CAMKMT: variants seen among roughly 807,000 people sequenced by gnomAD.
The protein encoded by CAMKMT is CaM KMT.
In CAMKMT, 53 loss-of-function variants were observed where a neutral mutation model predicts 48.0. That is an observed-to-expected ratio of 1.10 (90% CI 0.89 to 1.39). CAMKMT has a LOEUF of 1.39. Among genes scored for constraint, CAMKMT ranks in the 40% most tolerant of loss-of-function variants. The pLI is 0.00. For missense variants in CAMKMT, 428 were observed against 402.7 expected, an observed-to-expected ratio of 1.06 and a Z score of -0.54; for synonymous variants, 165 against 152.3, an observed-to-expected ratio of 1.08 and a Z score of -0.61.
intron 3 of CAMKMT, among the ~76,000 whole-genome samples, chr2:44,550,055 C>G (rs1331964066): frequency 6.6e-6 from 1 of 152,110 alleles, no homozygotes; most frequent in African/African-American, 2.4e-5. Flanking sequence ...CACAAAAATA[C>G]CTTGATAAAG....
chr2:44,429,139 C>G (rs892545991), intron 3 of CAMKMT, among the ~76,000 whole-genome samples: 1 of 152,130 alleles, frequency 6.6e-6, no homozygotes, highest in Non-Finnish European at 1.5e-5. Flanking sequence ...ATCTGACCAG[C>G]CTAGACATAC....
chr2:44,537,966 G>A (rs917097043), intron 3 of CAMKMT, among the ~76,000 whole-genome samples: 1 of 152,068 alleles, frequency 6.6e-6, no homozygotes, highest in South Asian at 2.1e-4. Context: ...TCTACCCAAC[G>A]GAAAAGAAAT....
chr2:44,528,052 C>T (rs1008774560), intron 3 of CAMKMT, among the ~76,000 whole-genome samples: 3 of 152,080 alleles, frequency 2.0e-5, no homozygotes, highest in African/African-American at 7.2e-5. Flanking sequence ...TACAGAAATT[C>T]GTCGTGGGAA....
intron 3 of CAMKMT, among the ~76,000 whole-genome samples, chr2:44,691,103 CG>C: frequency 6.6e-6 from 1 of 152,290 alleles, no homozygotes; most frequent in African/African-American, 2.4e-5. Context: ...GATAAGGAAT[CG>C]GGGAAGGAGA....
chr2:44,577,568 A>G (rs1390846350), intron 3 of CAMKMT, among the ~76,000 whole-genome samples: 1 of 151,620 alleles, frequency 6.6e-6, no homozygotes, highest in Non-Finnish European at 1.5e-5. Flanking sequence ...GCAGTGATCT[A>G]TGATCACACC....
At chr2:44,527,252 T>C (rs1385061842) in intron 3 of CAMKMT, among the ~76,000 whole-genome samples, 2 of 145,370 alleles carry the variant, frequency 1.4e-5, no homozygotes, top group East Asian at 2.0e-4. Context: ...AACGCCACCA[T>C]ATCTGGCAAT....
At chr2:44,554,016 C>A (rs1274419928) in intron 3 of CAMKMT, among the ~76,000 whole-genome samples, 1 of 152,074 alleles carries the variant, frequency 6.6e-6, no homozygotes, top group Non-Finnish European at 1.5e-5. Context: ...AGTATGGAGA[C>A]TCTTAGGAGG....
intron 3 of CAMKMT, among the ~76,000 whole-genome samples, chr2:44,673,831 G>A (rs1449743592): frequency 6.6e-6 from 1 of 152,100 alleles, no homozygotes; most frequent in African/African-American, 2.4e-5. Context: ...AAAGAATTTG[G>A]GAAAGATTAA....
chr2:44,716,579 CA>C (rs1678185954), intron 7 of CAMKMT, among the ~76,000 whole-genome samples: 1 of 152,244 alleles, frequency 6.6e-6, no homozygotes, highest in African/African-American at 2.4e-5. Flanking sequence ...TATAAATGAA[CA>C]AACCACTTCT....
chr2:44,528,371 G>A (rs558754530), intron 3 of CAMKMT, among the ~76,000 whole-genome samples: 154 of 152,166 alleles, frequency 1.0e-3, no homozygotes, highest in Non-Finnish European at 9.7e-4. Context: ...CACAAAAATA[G>A]TTATCCATTC....
intron 3 of CAMKMT, among the ~76,000 whole-genome samples, chr2:44,592,505 C>T (rs1670356991): frequency 6.6e-6 from 1 of 152,088 alleles, no homozygotes; most frequent in African/African-American, 2.4e-5. Context: ...GTCCTCAGTG[C>T]TTGGGTTCAA....
At chr2:44,541,939 A>C (rs749222575) in intron 3 of CAMKMT, among the ~76,000 whole-genome samples, 1 of 151,988 alleles carries the variant, frequency 6.6e-6, no homozygotes, top group Admixed American at 6.6e-5. Flanking sequence ...GACCAACTTG[A>C]CCAACATGGA....
chr2:44,720,515 T>G (rs1333131272), intron 7 of CAMKMT, among the ~76,000 whole-genome samples: 1 of 152,202 alleles, frequency 6.6e-6, no homozygotes, highest in African/African-American at 2.4e-5. Context: ...GTTCTTCACT[T>G]AAAAATAGAG....
intron 3 of CAMKMT, among the ~76,000 whole-genome samples, chr2:44,690,484 T>A (rs973050940): frequency 2.6e-5 from 4 of 151,978 alleles, no homozygotes; most frequent in African/African-American, 4.8e-5. Flanking sequence ...AGAGTTAGAG[T>A]ATGTGGGCCT....
At chr2:44,598,377 T>C (rs1670792127) in intron 3 of CAMKMT, among the ~76,000 whole-genome samples, 1 of 152,054 alleles carries the variant, frequency 6.6e-6, no homozygotes, top group Non-Finnish European at 1.5e-5. Flanking sequence ...AAATAGATTA[T>C]GAAGGAATAT....
At chr2:44,638,161 T>C (rs1396428519) in intron 3 of CAMKMT, among the ~76,000 whole-genome samples, 3 of 152,204 alleles carry the variant, frequency 2.0e-5, no homozygotes, top group Non-Finnish European at 4.4e-5. Flanking sequence ...TGAAACTATA[T>C]ATACTTTCTT....
chr2:44,702,521 A>G (rs1558805547), intron 3 of CAMKMT, among the ~76,000 whole-genome samples: 1 of 152,140 alleles, frequency 6.6e-6, no homozygotes, highest in Admixed American at 6.5e-5. Context: ...CTGCAATGAT[A>G]TTTTACAAAT....
intron 3 of CAMKMT, among the ~76,000 whole-genome samples, chr2:44,590,697 A>G (rs1670209038): frequency 6.6e-6 from 1 of 151,980 alleles, no homozygotes; most frequent in Non-Finnish European, 1.5e-5. Flanking sequence ...CTCCCATTTT[A>G]TGGGTTGCCT....
At chr2:44,423,840 T>C (rs978483481) in intron 3 of CAMKMT, among the ~76,000 whole-genome samples, 1 of 152,186 alleles carries the variant, frequency 6.6e-6, no homozygotes, top group Non-Finnish European at 1.5e-5. Context: ...GAGGCCAACA[T>C]TTTTAACTTT....
Sources: gnomAD v4.1 joint callset for allele counts (sites outside exome capture counted in the v4.1 genomes callset) on GRCh38, gnomAD v4.1.1 for gene constraint, MANE v1.5 for transcripts, NCBI Gene and HGNC (gene_info 2026-07-23, HGNC 2026-07-21) for gene names.